The following CCDC92 variants were observed in gnomAD, a reference collection of about 807,000 sequenced individuals.
CCDC92 encodes coiled-coil domain-containing protein 92.
A neutral mutation model predicts 24.9 loss-of-function variants in CCDC92; 12 were observed. The ratio of observed to expected loss-of-function variants is 0.48; its 90% CI spans 0.31 to 0.78. CCDC92 has a LOEUF of 0.78. Ranked by LOEUF, CCDC92 falls within the 30% of genes least tolerant of loss-of-function variation. The probability of loss-of-function intolerance (pLI) is 0.05; values close to 1 mark genes in which losing one functional copy is unlikely to be tolerated. For synonymous variants in CCDC92, 193 were observed against 196.3 expected (o/e 0.98, Z 0.14); for missense variants, 399 against 439.4 (o/e 0.91, Z 0.82).
rs532139407 is a variant in CCDC92 at position 123,971,437 on chromosome 12, A to T, written c.-60+1092T>A. 2.5e-3 allele frequency: 372 copies of T among 151,608 alleles called. 2 individuals are homozygous for T. The highest frequency in any genetic ancestry group is 8.8e-3 in the African/African-American group (362 of 41,260). The allele number at this position is 151,608 out of a possible 1,614,324, so 9.4% of individuals were successfully genotyped here. On this transcript the variant is annotated intron_variant, in intron 1 of 4. Coordinates refer to ENST00000238156, the MANE Select transcript of CCDC92 (RefSeq NM_025140.3). ...TTGATGAGCAAAAAAAAAAAAAAAG[A>T]AAAGTCGTTTTATCAATACCAATGC...
chr12:123,937,844 C>T lies in CCDC92; in HGVS notation c.224-14G>A, dbSNP rs1171412764. The T allele has an allele frequency of 2.5e-6, 4 of 1,590,574 alleles. No homozygotes were observed. In the South Asian group the frequency reaches 4.5e-5, roughly 18 times the overall value. ...AAGTCCCGTCTCCTACAAGAATAAG[C>T]CGAGGAAGCAGGTGAAGAACTCATT... On this transcript the variant is annotated splice_polypyrimidine_tract_variant and intron_variant, in intron 4 of 4. Coordinates refer to ENST00000238156, the MANE Select transcript of CCDC92 (RefSeq NM_025140.3). The surrounding 1 kb of genome is among the most constrained non-coding windows in gnomAD (Gnocchi z 8.4).
chr12:123,964,975 T>C (rs1956357655), intron 1 of CCDC92, among the ~76,000 whole-genome samples: 1 of 152,236 alleles, frequency 6.6e-6, no homozygotes, highest in Non-Finnish European at 1.5e-5. Context: ...ACCTAAAAAC[T>C]GATAAAGAAA....
intron 1 of CCDC92, among the ~76,000 whole-genome samples, chr12:123,951,227 C>A (rs1207238967): frequency 2.6e-5 from 4 of 152,052 alleles, no homozygotes; most frequent in Non-Finnish European, 5.9e-5. Context: ...ACACTGCGTT[C>A]GTCAAAAAGC....
rs1453185253 is a variant in CCDC92 at position 123,937,266 on chromosome 12, A to AG, written c.787dup (p.Leu263ProfsTer150). 6.2e-7 allele frequency: 1 copy of AG among 1,612,040 alleles called. No homozygotes were observed. Among genetic ancestry groups the AG allele is most frequent in the South Asian group, 1.1e-5 (1 of 91,078 alleles). On this transcript the variant is annotated frameshift_variant, in exon 5 of 5. Coordinates refer to ENST00000238156, the MANE Select transcript of CCDC92 (RefSeq NM_025140.3). LOFTEE classifies it high-confidence loss of function. The surrounding 1 kb of genome is among the most constrained non-coding windows in gnomAD (Gnocchi z 8.4). The stretch of plus-strand genomic sequence containing the variant: ...GTCGGAGGCGATGGGGGGGATGACG[A>AG]GGGGCCTCTCTTTGATGAGGTGGAC...
At chr12:123,969,835 A>G (rs764524887) in intron 1 of CCDC92, among the ~76,000 whole-genome samples, 7 of 152,272 alleles carry the variant, frequency 4.6e-5, no homozygotes, top group South Asian at 2.1e-4. Context: ...GACTGGCACC[A>G]TCCCATTTTT....
At chr12:123,965,273 T>C (rs1956365215) in intron 1 of CCDC92, among the ~76,000 whole-genome samples, 1 of 152,232 alleles carries the variant, frequency 6.6e-6, no homozygotes, top group Non-Finnish European at 1.5e-5. Context: ...AACACTTGTG[T>C]ATAACTGAGG....
chr12:123,960,941 G>A (rs558926365), intron 1 of CCDC92: 1 of 152,266 alleles, frequency 6.6e-6, no homozygotes, highest in East Asian at 1.9e-4. Flanking sequence ...AATAGGCCAG[G>A]CAATCGATTC....
In CCDC92 at chr12:123,937,305, C is replaced by G; in HGVS notation, c.749G>C (p.Arg250Thr). 1 of 1,613,430 alleles carries G rather than the reference C, an allele frequency of 6.2e-7. No individual in the cohort carries two copies. The highest frequency in any genetic ancestry group is 8.5e-7 in the Non-Finnish European group (1 of 1,179,982). Residue 250 changes from arginine (R) to threonine (T), a missense_variant, in exon 5 of 5, where the codon AGG becomes ACG. By Grantham distance (71) the Arg-to-Thr change is moderately conservative. Coordinates refer to ENST00000238156, the MANE Select transcript of CCDC92 (RefSeq NM_025140.3). This position sits in a 1 kb window ranked among gnomAD's most constrained non-coding sequence, Gnocchi z 8.4. ...MPDPTPFLLA[R>T]ESAEVHLIKE... ...GATGAGGTGGACCTCGGCGGACTCCCTAGCCAGCAGAAATGGGGTGGGGTC... is the reference window on the plus strand; with the variant it reads ...GATGAGGTGGACCTCGGCGGACTCCGTAGCCAGCAGAAATGGGGTGGGGTC...
At position 123,957,139 on chromosome 12, in the gene CCDC92, C is replaced by CT. The variant is rs1212710356; in HGVS notation, c.-59-12776dup. ...TTAAGGGCCCACTTTCATTTAGATA[C>CT]TTTTACAAATAAGCACCCGATGTAT... On this transcript the variant is annotated intron_variant, in intron 1 of 4. Coordinates refer to ENST00000238156, the MANE Select transcript of CCDC92 (RefSeq NM_025140.3). Among the ~76,000 whole-genome samples, 12 of 152,322 alleles carry CT rather than the reference C, an allele frequency of 7.9e-5. No individual in the cohort carries two copies. The South Asian group carries it at 1.9e-3, about 24-fold the overall frequency.
chr12:123,972,256 G>A (rs1367378564), intron 1 of CCDC92, among the ~76,000 whole-genome samples: 2 of 151,738 alleles, frequency 1.3e-5, no homozygotes, highest in Non-Finnish European at 2.9e-5. Flanking sequence ...GGGTCGCCGA[G>A]CCTCAGGGAC....
chr12:123,957,333 C>G (rs7305864), intron 1 of CCDC92, among the ~76,000 whole-genome samples: 48,734 of 152,126 alleles, frequency 0.32, 7,980 homozygotes, highest in Middle Eastern at 0.37. Context: ...TTTCAGAATG[C>G]ACAGGATGGT....
intron 1 of CCDC92, among the ~76,000 whole-genome samples, chr12:123,950,339 G>A (rs1955993307): frequency 6.6e-6 from 1 of 152,136 alleles, no homozygotes; most frequent in African/African-American, 2.4e-5. Flanking sequence ...CAGGCCGTCA[G>A]AACAGCACTG....
intron 1 of CCDC92, among the ~76,000 whole-genome samples, chr12:123,949,159 G>A (rs888756366): frequency 1.3e-5 from 2 of 152,332 alleles, no homozygotes; most frequent in Non-Finnish European, 2.9e-5. Flanking sequence ...GAATAACGCC[G>A]CCTGCTGAGT....
intron 1 of CCDC92, among the ~76,000 whole-genome samples, chr12:123,960,544 T>A (rs1420667213): frequency 6.6e-6 from 1 of 152,168 alleles, no homozygotes; most frequent in Non-Finnish European, 1.5e-5. Context: ...GCCTGTGACA[T>A]GGCATTGAAG....
chr12:123,943,973 A>G, intron 2 of CCDC92: 1 of 504,330 alleles, frequency 2.0e-6, no homozygotes, highest in Non-Finnish European at 3.5e-6. Context: ...TTCCCTGACC[A>G]GGAAGCACTG....
At chr12:123,943,545 G>C in intron 2 of CCDC92, 52 bp from the exon 3 acceptor site, 1 of 1,604,444 alleles carries the variant, frequency 6.2e-7, no homozygotes, top group Non-Finnish European at 8.5e-7. Context: ...TCCCAGGGCT[G>C]CCTGCCCTCC....
Position 123,936,798 on chromosome 12 carries a change from C to CTT in CCDC92, c.*258_*259dup, listed in dbSNP as rs1018167533. Reference sequence around the variant, plus strand: ...TGGCCTGGGCTTTGCCTGCAGCGCACTTAGGTTACACGGAGCGGGATCAGA... The same window carrying CTT: ...TGGCCTGGGCTTTGCCTGCAGCGCACTTTTAGGTTACACGGAGCGGGATCAGA... On this transcript the variant is annotated 3_prime_UTR_variant, in exon 5 of 5. Transcript: ENST00000238156. The CTT allele has an allele frequency of 1.2e-5, 7 of 576,612 alleles. No homozygotes were observed. Among genetic ancestry groups the CTT allele is most frequent in the Non-Finnish European group, 2.2e-5 (7 of 325,564 alleles). 35.7% of individuals were successfully genotyped at this position (576,612 alleles called of 1,614,324 possible). A position where few individuals can be genotyped will look rare whatever the true frequency, so the allele number is the denominator to read the frequency against.
In CCDC92 at chr12:123,947,660, T is replaced by C. The variant is rs373823059; in HGVS notation, c.-59-3296A>G. The stretch of plus-strand genomic sequence containing the variant: ...TAATCTGATGGGGAGGTGGTGAACC[T>C]TTGTGTCTAGCTCAGGGATTGTAAA... On this transcript the variant is annotated intron_variant, in intron 1 of 4. Coordinates refer to ENST00000238156, the MANE Select transcript of CCDC92 (RefSeq NM_025140.3). 5.9e-5 allele frequency among the ~76,000 whole-genome samples: 9 copies of C among 152,116 alleles called. No homozygotes were observed. The South Asian group carries it at 1.9e-3, about 32-fold the overall frequency.
chr12:123,942,091 C>T (rs891980981), intron 4 of CCDC92, among the ~76,000 whole-genome samples: 4 of 152,216 alleles, frequency 2.6e-5, no homozygotes, highest in Non-Finnish European at 4.4e-5. Context: ...TTTCCAAACA[C>T]CCACCCTGTT....
Sources: allele counts gnomAD v4.1 joint callset (sites outside exome capture counted in the v4.1 genomes callset), GRCh38; gene constraint gnomAD v4.1.1; non-coding constraint Gnocchi (gnomAD v3.1); transcripts MANE v1.5; gene names NCBI Gene and HGNC (gene_info 2026-07-23, HGNC 2026-07-21).